Variants in PTPRT observed in about 807,000 individuals in gnomAD.
The protein encoded by PTPRT is receptor-type tyrosine-protein phosphatase T.
Under a neutral mutation model 176.8 loss-of-function variants are expected in PTPRT, and 56 were observed. The observed-to-expected ratio is 0.32, with a 90% CI of 0.26 to 0.40. The LOEUF (loss-of-function observed/expected upper bound fraction) is 0.40, where lower values mean the gene tolerates loss of function less well. PTPRT is among the 10% of genes least tolerant of loss of function. PTPRT has a pLI of 1.00. For missense variants in PTPRT, 1,540 were observed against 1,908.2 expected, an observed-to-expected ratio of 0.81 and a Z score of 3.60; for synonymous variants, 783 against 739.0, an observed-to-expected ratio of 1.06 and a Z score of -0.96.
At chr20:43,136,554 G>T (rs1311959277) in intron 1 of PTPRT, among the ~76,000 whole-genome samples, 1 of 152,136 alleles carries the variant, frequency 6.6e-6, no homozygotes, top group Admixed American at 6.5e-5. Flanking sequence ...CTGCTTACCT[G>T]TATTTTTGGT....
At chr20:42,189,530 A>T (rs962389641) in intron 16 of PTPRT, among the ~76,000 whole-genome samples, 1 of 152,246 alleles carries the variant, frequency 6.6e-6, no homozygotes, top group Non-Finnish European at 1.5e-5. Context: ...GGAACACCTC[A>T]GCTACTCCCA....
At chr20:42,945,279 G>T (rs1396850458) in intron 1 of PTPRT, among the ~76,000 whole-genome samples, 1 of 152,002 alleles carries the variant, frequency 6.6e-6, no homozygotes, top group Non-Finnish European at 1.5e-5. Flanking sequence ...AGTGTGAGAG[G>T]TTAAATAAAT....
intron 1 of PTPRT, among the ~76,000 whole-genome samples, chr20:43,169,942 A>T (rs2146457961): frequency 6.6e-6 from 1 of 152,306 alleles, no homozygotes; most frequent in Non-Finnish European, 1.5e-5. Context: ...TTGGTGGCTC[A>T]GAGGCTCTTT....
intron 1 of PTPRT, among the ~76,000 whole-genome samples, chr20:43,049,688 A>G (rs1426664445): frequency 1.3e-5 from 2 of 152,272 alleles, no homozygotes; most frequent in East Asian, 3.9e-4. Flanking sequence ...CTCCTGCCCA[A>G]GTATTTCCCG....
At chr20:42,512,308 C>T (rs1305086150) in intron 7 of PTPRT, among the ~76,000 whole-genome samples, 1 of 152,060 alleles carries the variant, frequency 6.6e-6, no homozygotes, top group Non-Finnish European at 1.5e-5. Context: ...CACACAACTC[C>T]TAACCCCTGG....
In PTPRT at chr20:42,161,426, G is replaced by T; in HGVS notation, c.2608C>A (p.Arg870=). Residue 870 remains arginine (R), a synonymous_variant, in exon 17 of 31, where the codon CGG becomes AGG. Coordinates refer to ENST00000373187, the MANE Select transcript of PTPRT (RefSeq NM_007050.6). The part of the protein sequence containing the change: ...YPRDQFQPAI[R]VADLLQHITQ... The stretch of plus-strand genomic sequence containing the variant: ...ATGTGCTGCAGCAAGTCAGCCACCC[G>T]GATGGCGGGTTGGAACTGGTCCCGG... The T allele has an allele frequency of 6.2e-7, 1 of 1,614,146 alleles. No individual in the cohort carries two copies. The highest frequency in any genetic ancestry group is 1.3e-5 in the African/African-American group (1 of 75,020).
chr20:42,308,395 A>T (rs1258069168), intron 12 of PTPRT, among the ~76,000 whole-genome samples: 1 of 152,094 alleles, frequency 6.6e-6, no homozygotes. Flanking sequence ...GGGTGAGTCA[A>T]GGCGGTCATC....
chr20:42,353,140 G>T (rs2058310654), intron 9 of PTPRT, among the ~76,000 whole-genome samples: 1 of 152,182 alleles, frequency 6.6e-6, no homozygotes, highest in African/African-American at 2.4e-5. Context: ...CATAAGTGCA[G>T]TAGCCCCGTG....
chr20:42,050,127 C>A, the PTPRT span, among the ~76,000 whole-genome samples: 1 of 152,226 alleles, frequency 6.6e-6, no homozygotes, highest in Non-Finnish European at 1.5e-5. Flanking sequence ...ATTTGGGGAT[C>A]TCAGTGATGT....
intron 1 of PTPRT, among the ~76,000 whole-genome samples, chr20:42,903,863 C>T (rs557889): frequency 1.3e-4 from 20 of 152,128 alleles, no homozygotes; most frequent in Non-Finnish European, 2.8e-4. Flanking sequence ...TAGCACGTCA[C>T]CCAGTTAAAT....
chr20:42,489,029 TGTGTGTGTG>T (rs2071513969), intron 7 of PTPRT, among the ~76,000 whole-genome samples: 1 of 135,890 alleles, frequency 7.4e-6, no homozygotes, highest in Admixed American at 6.9e-5. Flanking sequence ...TGTGTGTGTG[TGTGTGTGTG>T]TGTGTGTGTG....
intron 7 of PTPRT, among the ~76,000 whole-genome samples, chr20:42,475,666 T>C (rs956880679): frequency 2.6e-5 from 4 of 152,166 alleles, no homozygotes; most frequent in South Asian, 2.1e-4. Context: ...CTCAGGAGCC[T>C]AGGACCTGCG....
At chr20:42,823,910 TA>T (rs892003518) in intron 2 of PTPRT, among the ~76,000 whole-genome samples, 57 of 148,710 alleles carry the variant, frequency 3.8e-4, no homozygotes, top group Non-Finnish European at 6.7e-4. Context: ...CAGTACTGAT[TA>T]AAAAAAAAAG....
intron 7 of PTPRT, among the ~76,000 whole-genome samples, chr20:42,505,325 G>A (rs1318048579): frequency 6.6e-6 from 1 of 152,080 alleles, no homozygotes; most frequent in African/African-American, 2.4e-5. Context: ...ATTTTGAGAT[G>A]GAGTCCCGCT....
chr20:43,121,258 G>A (rs975443266), intron 1 of PTPRT, among the ~76,000 whole-genome samples: 1 of 152,170 alleles, frequency 6.6e-6, no homozygotes, highest in Non-Finnish European at 1.5e-5. Flanking sequence ...ATTCTACTAT[G>A]GGCTTTGGGG....
At chr20:42,319,498 T>C (rs887704683) in intron 11 of PTPRT, among the ~76,000 whole-genome samples, 9 of 152,282 alleles carry the variant, frequency 5.9e-5, no homozygotes, top group African/African-American at 2.2e-4. Flanking sequence ...AGCAACTCCT[T>C]CAGGCCCATG....
At chr20:42,922,323 TTCTTC>T (rs1979200161) in intron 1 of PTPRT, among the ~76,000 whole-genome samples, 1 of 152,166 alleles carries the variant, frequency 6.6e-6, no homozygotes, top group Admixed American at 6.5e-5. Flanking sequence ...GTCCTTGAAT[TTCTTC>T]TCTTCTAAGT....
chr20:42,311,579 C>A (rs569807402), intron 12 of PTPRT, among the ~76,000 whole-genome samples: 15 of 152,280 alleles, frequency 9.9e-5, no homozygotes, highest in African/African-American at 3.6e-4. Context: ...ATAACTCTAT[C>A]TCATCCTTTG....
intron 11 of PTPRT, among the ~76,000 whole-genome samples, chr20:42,327,914 T>G (rs890986006): frequency 1.3e-5 from 2 of 152,018 alleles, no homozygotes; most frequent in Non-Finnish European, 2.9e-5. Flanking sequence ...ATTTTAAAAA[T>G]CATATCAGGT....
Sources: allele counts gnomAD v4.1 joint callset (sites outside exome capture counted in the v4.1 genomes callset), GRCh38; gene constraint gnomAD v4.1.1; transcripts MANE v1.5; gene names NCBI Gene and HGNC (gene_info 2026-07-23, HGNC 2026-07-21).